The following ZSCAN31 variants were observed in gnomAD, a reference collection of about 807,000 sequenced individuals.
ZSCAN31 encodes the protein zinc finger and SCAN domain-containing protein 31.
Under a neutral mutation model 22.5 loss-of-function variants are expected in ZSCAN31, and 14 were observed. That is an observed-to-expected ratio of 0.62 (90% CI 0.41 to 0.97). ZSCAN31 has a LOEUF of 0.97. ZSCAN31 is among the 50% of genes least tolerant of loss of function. The pLI is 0.00. For missense variants in ZSCAN31, 424 were observed against 483.4 expected (o/e 0.88, Z 1.15); for synonymous variants, 168 against 169.8 (o/e 0.99, Z 0.08).
rs1278828385 is a variant in ZSCAN31, at chr6:28,352,958, CTTTT to C, written c.-371+900_-371+903del. Among the ~76,000 whole-genome samples, 604 of 138,470 alleles carry C rather than the reference CTTTT, an allele frequency of 4.4e-3. 6 individuals carry two copies. Among genetic ancestry groups the C allele is most frequent in the African/African-American group, 0.015 (540 of 35,132 alleles). The allele number at this position is 138,470 out of a possible 152,430, so 90.8% of individuals were successfully genotyped here. Reference sequence around the variant, plus strand: ...ACCAGCCTTACATTTCTTTTCTTTTCTTTTTCTTTTTTTTTTTTTTTTTGAGGCA... The same window carrying C: ...ACCAGCCTTACATTTCTTTTCTTTTCTCTTTTTTTTTTTTTTTTTGAGGCA... On this transcript the variant is annotated intron_variant, in intron 2 of 7. Coordinates refer to the ZSCAN31 transcript ENST00000396838.
At chr6:28,350,950 C>G (rs1361782800) in intron 2 of ZSCAN31, among the ~76,000 whole-genome samples, 1 of 152,146 alleles carries the variant, frequency 6.6e-6, no homozygotes, top group Non-Finnish European at 1.5e-5. Context: ...ACTAGGACCC[C>G]TGGTTTTTGC....
At chr6:28,329,891 A>G (rs968961209) in intron 1 of ZSCAN31, 113 bp from the exon 2 acceptor site, 2 of 566,680 alleles carry the variant, frequency 3.5e-6, no homozygotes, top group Non-Finnish European at 5.9e-6. Context: ...AAATGTATAT[A>G]TAGTTACTGA....
intron 1 of ZSCAN31, among the ~76,000 whole-genome samples, chr6:28,330,775 T>C (rs1763678668): frequency 6.6e-6 from 1 of 152,058 alleles, no homozygotes; most frequent in Admixed American, 6.6e-5. Flanking sequence ...AATGCTATAA[T>C]AGAGGCCTCA....
rs544576314 is a variant in ZSCAN31, at chr6:28,343,030, G to A, written c.-370-1238C>T. Among the ~76,000 whole-genome samples the A allele has an allele frequency of 4.6e-5, 7 of 152,304 alleles. No individual in the cohort carries two copies. The South Asian group carries it at 1.0e-3, about 23-fold the overall frequency. ...TGACATTGATACCTAGGTACCCAGA[G>A]TGTCATTGTGGCCCCCTGTTAGGAT... On this transcript the variant is annotated intron_variant, in intron 2 of 7. Coordinates refer to the ZSCAN31 transcript ENST00000396838.
intron 1 of ZSCAN31, chr6:28,354,070 C>T: frequency 2.5e-6 from 1 of 406,910 alleles, no homozygotes; most frequent in Non-Finnish European, 4.9e-6. Flanking sequence ...GGCTCTGTGG[C>T]TCCTGCCGCT....
chr6:28,334,935 TTGG>T (rs755590168), intron 1 of ZSCAN31, among the ~76,000 whole-genome samples: 4 of 152,170 alleles, frequency 2.6e-5, no homozygotes, highest in Non-Finnish European at 5.9e-5. Flanking sequence ...AGTTATGAGG[TTGG>T]TGGTTTTTAC....
rs1763242470 is a variant in ZSCAN31, at chr6:28,326,179, C to T, written c.1208G>A (p.Gly403Glu). 6.2e-7 allele frequency: 1 copy of T among 1,610,006 alleles called. No homozygotes were observed. The highest frequency in any genetic ancestry group is 1.7e-5 in the Admixed American group (1 of 59,902). Residue 403 changes from glycine (G) to glutamate (E), a missense_variant, in exon 4 of 4, where the codon GGA becomes GAA. Transcript: ENST00000344279. The stretch of plus-strand genomic sequence containing the variant: ...AACTCATCACCCTTATGGTCTCTCT[C>T]CAGTGTGGATTTTCTGATGTTTCTT... ...LLKKHQKIHT[G>E]ERP
At chr6:28,338,496 G>C (rs955802541), upstream of ZSCAN31, among the ~76,000 whole-genome samples, 2 of 151,920 alleles carry the variant, frequency 1.3e-5, no homozygotes, top group Non-Finnish European at 2.9e-5. Context: ...ACAGGGTCTC[G>C]TTCTGTCAAC....
chr6:28,342,997 G>C (rs993875368), intron 2 of ZSCAN31, among the ~76,000 whole-genome samples: 2 of 152,198 alleles, frequency 1.3e-5, no homozygotes, highest in African/African-American at 4.8e-5. Flanking sequence ...CTTTTACACA[G>C]TGTGAGTTGA....
intron 3 of ZSCAN31, among the ~76,000 whole-genome samples, chr6:28,341,522 A>G (rs926332029): frequency 2.0e-5 from 3 of 152,196 alleles, no homozygotes; most frequent in African/African-American, 7.2e-5. Flanking sequence ...TCACCTTTTA[A>G]TGCCATCACC....
At chr6:28,326,970 G>T in intron 3 of ZSCAN31, 116 bp from the exon 4 acceptor site, 1 of 1,040,802 alleles carries the variant, frequency 9.6e-7, no homozygotes, top group Non-Finnish European at 1.4e-6. Context: ...ATGAAGAACT[G>T]TCAGTTAAGG....
At position 28,327,529 on chromosome 6, in the gene ZSCAN31, G is replaced by A. The variant is rs1200342336; in HGVS notation, c.386C>T (p.Pro129Leu). ...QELSEPGNQA[P>L]DHEHGHSEVL... is the part of the protein sequence containing the mutation. The stretch of plus-strand genomic sequence containing the variant: ...TTCAGAATGTCCATGTTCATGGTCT[G>A]GAGCCTGAAGGCAGGTAGGCATATT... The change falls in exon 3 of 4, where the codon CCA becomes CTA. Residue 129 changes from proline to leucine, a missense_variant. Transcript: ENST00000344279. The A allele has an allele frequency of 6.2e-7, 1 of 1,612,640 alleles. No individual in the cohort carries two copies. Among genetic ancestry groups the A allele is most frequent in the Middle Eastern group, 1.7e-4 (1 of 6,060 alleles).
At chr6:28,337,133 A>G (rs928757857), upstream of ZSCAN31, among the ~76,000 whole-genome samples, 2 of 152,358 alleles carry the variant, frequency 1.3e-5, no homozygotes, top group Non-Finnish European at 2.9e-5. Flanking sequence ...AATGGGGCAA[A>G]ACAAGACTCA....
At chr6:28,340,102 C>A (rs573026838), upstream of ZSCAN31, among the ~76,000 whole-genome samples, 1 of 152,334 alleles carries the variant, frequency 6.6e-6, no homozygotes, top group East Asian at 1.9e-4. Context: ...AAGTTAAGTG[C>A]TGCAGTGGAA....
chr6:28,325,990 C>G lies in ZSCAN31; in HGVS notation c.*176G>C. 1.6e-6 allele frequency: 1 copy of G among 641,086 alleles called. No homozygotes were observed. Among genetic ancestry groups the G allele is most frequent in the East Asian group, 2.6e-5 (1 of 38,794 alleles). 39.7% of individuals were successfully genotyped at this position (641,086 alleles called of 1,614,324 possible). A position where few individuals can be genotyped will look rare whatever the true frequency, so the allele number is the denominator to read the frequency against. ...TGTAGACAAGTGGTTCAATGCAATA[C>G]AAAATAAATTTTATAAGAACAGAAT... On this transcript the variant is annotated 3_prime_UTR_variant, in exon 4 of 4. Coordinates refer to ENST00000344279, the MANE Select transcript of ZSCAN31 (RefSeq NM_030899.5).
At chr6:28,338,667 AAAATCAGAAAAATAACAAAATAT>A (rs1198814899), upstream of ZSCAN31, among the ~76,000 whole-genome samples, 1 of 152,112 alleles carries the variant, frequency 6.6e-6, no homozygotes, top group African/African-American at 2.4e-5. Context: ...ATCACAAACA[AAAATCAGAAAAATAACAAAATAT>A]TTTTATTATT....
chr6:28,330,448 GA>G (rs1763653849), intron 1 of ZSCAN31, among the ~76,000 whole-genome samples: 1 of 152,206 alleles, frequency 6.6e-6, no homozygotes, highest in South Asian at 2.1e-4. Flanking sequence ...GAACCTCTGG[GA>G]AGCAGAATTA....
Position 28,333,779 on chromosome 6 carries a change from G to A in ZSCAN31, c.-96+2303C>T, listed in dbSNP as rs1159137597. ...AATATTAGGCTGGCAAGCCAAGCAG[G>A]AGTCAGATCATGTAGGGCATAGGAG... is the stretch of plus-strand genomic sequence containing the variant. On this transcript the variant is annotated intron_variant, in intron 1 of 3. Coordinates refer to ENST00000344279, the MANE Select transcript of ZSCAN31 (RefSeq NM_030899.5). This position sits in a 1 kb window ranked among gnomAD's most constrained non-coding sequence, Gnocchi z 4.1. Among the ~76,000 whole-genome samples the A allele has an allele frequency of 6.6e-6, 1 of 152,182 alleles. No individual in the cohort carries two copies. Among genetic ancestry groups the A allele is most frequent in the African/African-American group, 2.4e-5 (1 of 41,438 alleles).
At chr6:28,339,775 C>CAAGAGAAAAT (rs1561920497), upstream of ZSCAN31, among the ~76,000 whole-genome samples, 1 of 152,156 alleles carries the variant, frequency 6.6e-6, no homozygotes, top group Non-Finnish European at 1.5e-5. Flanking sequence ...TGCCACTCAA[C>CAAGAGAAAAT]AAGAGAAAAA....
Sources: gnomAD v4.1 joint callset for allele counts (sites outside exome capture counted in the v4.1 genomes callset) on GRCh38, gnomAD v4.1.1 for gene constraint, Gnocchi (gnomAD v3.1) non-coding constraint, MANE v1.5 for transcripts, NCBI Gene and HGNC (gene_info 2026-07-23, HGNC 2026-07-21) for gene names.